ARHGAP19: variants seen among roughly 807,000 people sequenced by gnomAD.
ARHGAP19 encodes rho GTPase-activating protein 19.
In ARHGAP19, 48 loss-of-function variants were observed where a neutral mutation model predicts 60.9. The ratio of observed to expected loss-of-function variants is 0.79; its 90% CI spans 0.62 to 1.00. The LOEUF is 1.00. Among genes scored for constraint, ARHGAP19 ranks in the 50% least tolerant of loss-of-function variants. The pLI is 0.00. For synonymous variants in ARHGAP19, 209 were observed against 215.5 expected, an observed-to-expected ratio of 0.97 and a Z score of 0.27; for missense variants, 562 against 597.2, an observed-to-expected ratio of 0.94 and a Z score of 0.61.
intron 6 of ARHGAP19, among the ~76,000 whole-genome samples, chr10:97,254,701 T>C (rs1276769800): frequency 6.6e-6 from 1 of 152,172 alleles, no homozygotes; most frequent in Non-Finnish European, 1.5e-5. Context: ...TCATAAAATT[T>C]TTTTAAATTT....
intron 1 of ARHGAP19, among the ~76,000 whole-genome samples, chr10:97,282,489 A>T (rs1843097676): frequency 6.6e-6 from 1 of 152,166 alleles, no homozygotes; most frequent in Admixed American, 6.5e-5. Flanking sequence ...CTTTTTGCTT[A>T]AGCTAGTTTT....
At chr10:97,235,457 T>C in intron 8 of ARHGAP19, 142 bp from the exon 9 acceptor site, 1 of 650,234 alleles carries the variant, frequency 1.5e-6, no homozygotes, top group South Asian at 2.0e-5. Context: ...AAAAAGCCAA[T>C]CACAAAGTCA....
chr10:97,249,385 T>C (rs144853632), intron 6 of ARHGAP19, among the ~76,000 whole-genome samples: 483 of 152,348 alleles, frequency 3.2e-3, no homozygotes, highest in African/African-American at 9.2e-3. Flanking sequence ...TGTCTCCTCA[T>C]GTGAGGCAAT....
chr10:97,274,334 G>A (rs963094179), intron 1 of ARHGAP19, among the ~76,000 whole-genome samples: 2 of 151,962 alleles, frequency 1.3e-5, no homozygotes, highest in African/African-American at 2.4e-5. Flanking sequence ...GCATGGTGGC[G>A]GGCACCTGTA....
At chr10:97,269,734 T>A (rs936745419) in intron 1 of ARHGAP19, among the ~76,000 whole-genome samples, 1 of 152,212 alleles carries the variant, frequency 6.6e-6, no homozygotes, top group Non-Finnish European at 1.5e-5. Context: ...TTTTCTGGAA[T>A]TCACATCCCT....
intron 1 of ARHGAP19, among the ~76,000 whole-genome samples, chr10:97,272,830 A>T (rs1842976489): frequency 7.0e-6 from 1 of 141,938 alleles, no homozygotes; most frequent in Non-Finnish European, 1.5e-5. Context: ...CTCTCTATTG[A>T]TTATGTTTGT....
chr10:97,272,723 G>T (rs924520170), intron 1 of ARHGAP19, among the ~76,000 whole-genome samples: 2 of 150,976 alleles, frequency 1.3e-5, no homozygotes, highest in Non-Finnish European at 2.9e-5. Flanking sequence ...ATGTCTCTAC[G>T]TTCCATAGTA....
At chr10:97,285,049 G>C (rs1227231954) in intron 1 of ARHGAP19, among the ~76,000 whole-genome samples, 1 of 151,224 alleles carries the variant, frequency 6.6e-6, no homozygotes, top group Non-Finnish European at 1.5e-5. Context: ...ATTTTTAGTA[G>C]AGACGGGGTT....
chr10:97,272,921 A>G (rs943981747), intron 1 of ARHGAP19, among the ~76,000 whole-genome samples: 4 of 151,232 alleles, frequency 2.6e-5, no homozygotes, highest in Non-Finnish European at 5.9e-5. Context: ...GCTGACTGCA[A>G]GCTCTGCCTC....
chr10:97,235,818 C>T (rs993795254), intron 8 of ARHGAP19, among the ~76,000 whole-genome samples: 8 of 152,184 alleles, frequency 5.3e-5, no homozygotes, highest in Non-Finnish European at 7.3e-5. Context: ...ATGCTATCAA[C>T]ATCAGCTCTC....
chr10:97,265,805 G>T, intron 2 of ARHGAP19, 55 bp downstream of exon 2: 3 of 1,576,188 alleles, frequency 1.9e-6, no homozygotes, highest in Non-Finnish European at 2.6e-6. Context: ...GATGTTGAGA[G>T]AGAAGCCCAG....
intron 6 of ARHGAP19, among the ~76,000 whole-genome samples, chr10:97,251,455 G>A (rs111209832): frequency 2.5e-5 from 1 of 39,576 alleles, no homozygotes. Context: ...CGGGGAAGGG[G>A]AAGGGAAAAG....
intron 1 of ARHGAP19, among the ~76,000 whole-genome samples, chr10:97,273,082 C>T (rs547678466): frequency 3.3e-5 from 5 of 152,102 alleles, no homozygotes; most frequent in South Asian, 2.1e-4. Flanking sequence ...CCTTGTGATC[C>T]GCCCGCCTCG....
At chr10:97,256,904 G>A (rs1052028313) in intron 5 of ARHGAP19, among the ~76,000 whole-genome samples, 3 of 151,950 alleles carry the variant, frequency 2.0e-5, no homozygotes, top group African/African-American at 7.3e-5. Flanking sequence ...GGCAGATCAC[G>A]AGGTCAGGAG....
intron 1 of ARHGAP19, among the ~76,000 whole-genome samples, chr10:97,271,517 T>A (rs977014824): frequency 6.6e-6 from 1 of 152,078 alleles, no homozygotes; most frequent in Admixed American, 6.6e-5. Flanking sequence ...TCAAATGACA[T>A]GATCAGTAAC....
intron 1 of ARHGAP19, among the ~76,000 whole-genome samples, chr10:97,271,559 T>A (rs1200935959): frequency 2.0e-5 from 3 of 151,950 alleles, no homozygotes; most frequent in Non-Finnish European, 4.4e-5. Flanking sequence ...CTAATAAACA[T>A]AAAAAGAATC....
In ARHGAP19 at chr10:97,266,035, G is replaced by T. The variant is rs558233913; in HGVS notation, c.147C>A (p.Leu49=). The T allele has an allele frequency of 2.5e-6, 4 of 1,614,186 alleles. No homozygotes were observed. The highest frequency in any genetic ancestry group is 3.3e-4 in the Middle Eastern group (2 of 6,062). ...TGAAAATCTCAGGTTTCTCATGTCG[G>T]AGTTTCTCCACAAAAAAGTCAGGAT... The part of the protein sequence containing the change: ...IFNPDFFVEK[L]RHEKPEIFTE... Residue 49 remains leucine, a synonymous_variant, in exon 2 of 12, where the codon CTC becomes CTA. Transcript: ENST00000358531.
At chr10:97,254,972 A>T (rs1165145469) in intron 6 of ARHGAP19, among the ~76,000 whole-genome samples, 1 of 152,220 alleles carries the variant, frequency 6.6e-6, no homozygotes, top group African/African-American at 2.4e-5. Context: ...TCACAGAAAG[A>T]CAAATACCGT....
chr10:97,241,529 C>T (rs1842481499), intron 8 of ARHGAP19, among the ~76,000 whole-genome samples: 2 of 151,764 alleles, frequency 1.3e-5, no homozygotes, highest in South Asian at 4.1e-4. Context: ...GCCTGGCCAA[C>T]ATGGTGAAAC....
Sources: allele counts gnomAD v4.1 joint callset (sites outside exome capture counted in the v4.1 genomes callset), GRCh38; gene constraint gnomAD v4.1.1; transcripts MANE v1.5; gene names NCBI Gene and HGNC (gene_info 2026-07-23, HGNC 2026-07-21).